Variants in ITGA9 observed in about 807,000 individuals in gnomAD.
The protein encoded by ITGA9 is integrin subunit alpha 9, also known as integrin alpha-9.
ITGA9 carries 56 observed loss-of-function variants against 127.8 expected under a neutral mutation model. The ratio of observed to expected loss-of-function variants is 0.44; its 90% CI spans 0.35 to 0.55. The LOEUF (loss-of-function observed/expected upper bound fraction) is 0.55. Among genes scored for constraint, ITGA9 ranks in the 20% least tolerant of loss-of-function variants. The pLI is 0.00. For missense variants in ITGA9, 1,196 were observed against 1,347.1 expected, an observed-to-expected ratio of 0.89 and a Z score of 1.76; for synonymous variants, 508 against 514.5, an observed-to-expected ratio of 0.99 and a Z score of 0.17.
At position 37,821,712 on chromosome 3, in the gene ITGA9, G is replaced by A. The variant is rs1336919254; in HGVS notation, c.*2723G>A. 1 of 151,952 alleles carries A rather than the reference G, an allele frequency of 6.6e-6. No individual in the cohort carries two copies. The allele number at this position is 151,952 out of a possible 1,614,324, so 9.4% of individuals were successfully genotyped here. ...GTAGACTCCTGTGGGCAGTCTCAGA[G>A]CTGGGACCTATTTGCTTCTGCTTGA... On this transcript the variant is annotated 3_prime_UTR_variant, in exon 28 of 28. Coordinates refer to ENST00000264741, the MANE Select transcript of ITGA9 (RefSeq NM_002207.3).
chr3:37,457,746 A>T (rs994742602), intron 1 of ITGA9, among the ~76,000 whole-genome samples: 1 of 152,218 alleles, frequency 6.6e-6, no homozygotes, highest in African/African-American at 2.4e-5. Flanking sequence ...GGTTTCTGGG[A>T]AATTTCTCTG....
intron 15 of ITGA9, among the ~76,000 whole-genome samples, chr3:37,627,153 C>T (rs192479461): frequency 1.3e-5 from 2 of 152,324 alleles, no homozygotes; most frequent in Admixed American, 6.5e-5. Context: ...CTATCACTCT[C>T]TTGGAGAAGT....
At chr3:37,505,552 G>T (rs1011651286) in intron 6 of ITGA9, among the ~76,000 whole-genome samples, 2 of 152,162 alleles carry the variant, frequency 1.3e-5, no homozygotes, top group Non-Finnish European at 2.9e-5. Flanking sequence ...GGCTACCTGT[G>T]TGGGGCATAT....
At chr3:37,697,191 A>G (rs1373633317) in intron 18 of ITGA9, among the ~76,000 whole-genome samples, 1 of 152,154 alleles carries the variant, frequency 6.6e-6, no homozygotes. Flanking sequence ...TTGCTGTATT[A>G]CCAACAGGTA....
intron 17 of ITGA9, among the ~76,000 whole-genome samples, chr3:37,675,506 C>T (rs1452692383): frequency 3.9e-5 from 6 of 152,138 alleles, no homozygotes; most frequent in African/African-American, 1.4e-4. Context: ...TTCTTTATTC[C>T]CTAGATCTGT....
intron 18 of ITGA9, among the ~76,000 whole-genome samples, chr3:37,687,758 T>C (rs899401128): frequency 6.6e-6 from 1 of 151,594 alleles, no homozygotes; most frequent in African/African-American, 2.4e-5. Context: ...AAAGATATAC[T>C]CAGATATATG....
intron 14 of ITGA9, among the ~76,000 whole-genome samples, chr3:37,538,587 T>G (rs1300362877): frequency 6.6e-6 from 1 of 152,234 alleles, no homozygotes; most frequent in Non-Finnish European, 1.5e-5. Context: ...TTGGACAGCC[T>G]GATCCACCCA....
At chr3:37,659,708 A>G (rs1346603733) in intron 17 of ITGA9, among the ~76,000 whole-genome samples, 1 of 151,848 alleles carries the variant, frequency 6.6e-6, no homozygotes, top group Non-Finnish European at 1.5e-5. Flanking sequence ...TTCTCCATCC[A>G]GTTTTGTTCC....
intron 4 of ITGA9, among the ~76,000 whole-genome samples, chr3:37,484,366 G>A (rs377498872): frequency 7.9e-5 from 12 of 152,280 alleles, no homozygotes; most frequent in Admixed American, 5.2e-4. Flanking sequence ...GATGCCGGCC[G>A]TAGTGAGAGG....
At chr3:37,695,524 C>G (rs1006983198) in intron 18 of ITGA9, among the ~76,000 whole-genome samples, 1 of 152,168 alleles carries the variant, frequency 6.6e-6, no homozygotes, top group African/African-American at 2.4e-5. Context: ...TACAGATGCC[C>G]GTGGAATTTA....
intron 4 of ITGA9, 98 bp from the exon 5 acceptor site, chr3:37,494,403 A>G (rs1482992176): frequency 7.2e-6 from 6 of 838,624 alleles, no homozygotes; most frequent in African/African-American, 1.7e-5. Flanking sequence ...CTGCCGCGGC[A>G]CTCGTGGGAA....
chr3:37,533,216 G>T (rs1368658517), intron 13 of ITGA9, 98 bp from the exon 14 acceptor site: 1 of 1,091,144 alleles, frequency 9.2e-7, no homozygotes, highest in Non-Finnish European at 1.4e-6. Context: ...TAAATGCTGG[G>T]TTGAAGGCCT....
At chr3:37,789,526 A>G (rs1233660650) in intron 26 of ITGA9, among the ~76,000 whole-genome samples, 2 of 151,880 alleles carry the variant, frequency 1.3e-5, no homozygotes, top group Non-Finnish European at 2.9e-5. Context: ...TTGGGAGGCC[A>G]AGGCGGGTGG....
intron 16 of ITGA9, among the ~76,000 whole-genome samples, chr3:37,641,796 G>A (rs1230073458): frequency 6.6e-6 from 1 of 152,148 alleles, no homozygotes; most frequent in African/African-American, 2.4e-5. Flanking sequence ...GCCTGCCTCA[G>A]GCCCTTTGCA....
At chr3:37,519,627 AGAAAG>A (rs1699024678) in intron 11 of ITGA9, among the ~76,000 whole-genome samples, 1 of 152,276 alleles carries the variant, frequency 6.6e-6, no homozygotes, top group African/African-American at 2.4e-5. Context: ...CATTTATTTA[AGAAAG>A]GAAAGGAAGC....
Position 37,540,245 on chromosome 3 carries a change from C to G in ITGA9, c.1529-2180C>G, listed in dbSNP as rs561005835. Among the ~76,000 whole-genome samples, 6 of 152,240 alleles carry G rather than the reference C, an allele frequency of 3.9e-5. No individual in the cohort carries two copies. In the South Asian group the frequency reaches 1.0e-3, roughly 26 times the overall value. Reference sequence around the variant, plus strand: ...GGGAAGGAGGCTGGTCAGGGGACCCCGAGGAGAGTCTGCTCAGCAGCTGCC... The same window carrying G: ...GGGAAGGAGGCTGGTCAGGGGACCCGGAGGAGAGTCTGCTCAGCAGCTGCC... On this transcript the variant is annotated intron_variant, in intron 14 of 27. Coordinates refer to ENST00000264741, the MANE Select transcript of ITGA9 (RefSeq NM_002207.3).
intron 11 of ITGA9, among the ~76,000 whole-genome samples, chr3:37,519,807 G>A (rs529164813): frequency 4.6e-5 from 7 of 152,210 alleles, no homozygotes; most frequent in East Asian, 1.9e-4. Flanking sequence ...AGGACTCTGC[G>A]CTTGCGCCCT....
intron 12 of ITGA9, among the ~76,000 whole-genome samples, chr3:37,525,134 A>G (rs1699081152): frequency 6.6e-6 from 1 of 152,160 alleles, no homozygotes; most frequent in Admixed American, 6.5e-5. Context: ...AGGGATTTAT[A>G]TGGCCGGGTT....
intron 17 of ITGA9, among the ~76,000 whole-genome samples, chr3:37,664,403 C>T: frequency 6.7e-6 from 1 of 149,586 alleles, no homozygotes; most frequent in Non-Finnish European, 1.5e-5. Flanking sequence ...GCAGTCCTTG[C>T]ATTGAGTCAG....
Sources: allele counts gnomAD v4.1 joint callset (sites outside exome capture counted in the v4.1 genomes callset), GRCh38; gene constraint gnomAD v4.1.1; transcripts MANE v1.5; gene names NCBI Gene and HGNC (gene_info 2026-07-23, HGNC 2026-07-21).